CCDC91: variants seen among roughly 807,000 people sequenced by gnomAD.
The protein encoded by CCDC91 is coiled-coil domain-containing protein 91.
CCDC91 carries 48 observed loss-of-function variants against 63.2 expected under a neutral mutation model. That is an observed-to-expected ratio of 0.76 (90% CI 0.60 to 0.97). The LOEUF (loss-of-function observed/expected upper bound fraction) is 0.97, where lower values mean the gene tolerates loss of function less well. Among genes scored for constraint, CCDC91 ranks in the 50% least tolerant of loss-of-function variants. The pLI, the probability that CCDC91 is intolerant of heterozygous loss-of-function variation, is 0.00. For missense variants in CCDC91, 500 were observed against 494.6 expected, an observed-to-expected ratio of 1.01 and a Z score of -0.10; for synonymous variants, 167 against 165.8, an observed-to-expected ratio of 1.01 and a Z score of -0.06.
intron 1 of CCDC91, among the ~76,000 whole-genome samples, chr12:28,192,562 CTTTGG>C (rs1941352418): frequency 6.6e-6 from 1 of 152,146 alleles, no homozygotes; most frequent in Non-Finnish European, 1.5e-5. Context: ...AGGCATCTCT[CTTTGG>C]ATTAACTCTT....
intron 2 of CCDC91, among the ~76,000 whole-genome samples, chr12:28,257,634 A>G (rs1352891231): frequency 2.6e-5 from 4 of 152,132 alleles, no homozygotes; most frequent in South Asian, 2.1e-4. Flanking sequence ...TATACCTGCA[A>G]TGAGTTGATT....
chr12:28,406,599 C>T (rs566343242), intron 8 of CCDC91, among the ~76,000 whole-genome samples: 14 of 152,030 alleles, frequency 9.2e-5, no homozygotes, highest in African/African-American at 3.4e-4. Flanking sequence ...TGATATGTTT[C>T]TAAGAGCAGA....
At chr12:28,202,493 T>C (rs912888708) in intron 1 of CCDC91, among the ~76,000 whole-genome samples, 2 of 151,500 alleles carry the variant, frequency 1.3e-5, no homozygotes, top group African/African-American at 2.4e-5. Context: ...TATTCTTTTA[T>C]GTGTGGCCAC....
At chr12:28,441,497 G>A (rs1198806013) in intron 8 of CCDC91, among the ~76,000 whole-genome samples, 3 of 151,830 alleles carry the variant, frequency 2.0e-5, no homozygotes, top group Non-Finnish European at 4.4e-5. Context: ...TTATACAGAG[G>A]AATGCTGCTT....
At chr12:28,205,103 A>AT (rs1727960705) in intron 1 of CCDC91, among the ~76,000 whole-genome samples, 1 of 152,128 alleles carries the variant, frequency 6.6e-6, no homozygotes, top group African/African-American at 2.4e-5. Context: ...AGTCTTCATA[A>AT]TGGTGAAGAG....
chr12:28,411,763 T>C (rs1362203299), intron 8 of CCDC91, among the ~76,000 whole-genome samples: 3 of 152,168 alleles, frequency 2.0e-5, no homozygotes, highest in Admixed American at 6.6e-5. Flanking sequence ...AATGTCACAG[T>C]GCAGTACATT....
chr12:28,194,702 G>T (rs1865392337), intron 1 of CCDC91, among the ~76,000 whole-genome samples: 1 of 152,236 alleles, frequency 6.6e-6, no homozygotes, highest in East Asian at 1.9e-4. Flanking sequence ...GACCTTTGCG[G>T]TGAGTGTTAC....
rs546808718 is a variant in CCDC91 at position 28,458,251 on chromosome 12, A to G, written c.1101+5597A>G. Among the ~76,000 whole-genome samples, 51 of 152,070 alleles carry G rather than the reference A, an allele frequency of 3.4e-4. 1 individual carries two copies. Among genetic ancestry groups the G allele is most frequent in the South Asian group, 2.9e-3 (14 of 4,822 alleles). On this transcript the variant is annotated intron_variant, in intron 11 of 12. Coordinates refer to ENST00000536442, the MANE Select transcript of CCDC91 (RefSeq NM_018318.5). ...TTGATAATAATCTAGATGATAATAAAATCATAATGACATTTTAAATTATCA... is the reference window on the plus strand; with the variant it reads ...TTGATAATAATCTAGATGATAATAAGATCATAATGACATTTTAAATTATCA...
At chr12:28,444,849 A>ATT (rs10709087) in intron 8 of CCDC91, among the ~76,000 whole-genome samples, 1 of 150,914 alleles carries the variant, frequency 6.6e-6, no homozygotes, top group Non-Finnish European at 1.5e-5. Context: ...TTTCTTAAAG[A>ATT]TTTTTTTTTT....
intron 1 of CCDC91, among the ~76,000 whole-genome samples, chr12:28,213,268 C>T (rs1261909087): frequency 1.3e-5 from 2 of 152,196 alleles, no homozygotes; most frequent in African/African-American, 4.8e-5. Flanking sequence ...CCCACCGACT[C>T]CTCTTTGTTT....
Position 28,496,931 on chromosome 12 carries a change from C to CAT in CCDC91, c.1215+12776_1215+12777dup, listed in dbSNP as rs200906294. The stretch of plus-strand genomic sequence containing the variant: ...CACACATATATAAGGTATATATATA[C>CAT]ATATATATATACATATATATATATA... On this transcript the variant is annotated intron_variant, in intron 12 of 12. Coordinates refer to ENST00000536442, the MANE Select transcript of CCDC91 (RefSeq NM_018318.5). 6.5e-3 allele frequency among the ~76,000 whole-genome samples: 921 copies of CAT among 141,444 alleles called. 12 individuals are homozygous for CAT. Among genetic ancestry groups the CAT allele is most frequent in the African/African-American group, 0.023 (893 of 38,368 alleles). 92.8% of individuals were successfully genotyped at this position (141,444 alleles called of 152,430 possible). A position where few individuals can be genotyped will look rare whatever the true frequency, so the allele number is the denominator to read the frequency against.
intron 8 of CCDC91, among the ~76,000 whole-genome samples, chr12:28,440,757 C>G (rs1195167036): frequency 6.6e-6 from 1 of 151,762 alleles, no homozygotes; most frequent in Non-Finnish European, 1.5e-5. Context: ...GAACAGCAGG[C>G]TTAAAAGAAA....
At chr12:28,455,620 G>A (rs1290832923) in intron 11 of CCDC91, among the ~76,000 whole-genome samples, 1 of 151,578 alleles carries the variant, frequency 6.6e-6, no homozygotes, top group East Asian at 1.9e-4. Flanking sequence ...TCATTAAGTT[G>A]CCTTTATTCT....
At chr12:28,396,291 A>G (rs1447739704) in intron 8 of CCDC91, among the ~76,000 whole-genome samples, 1 of 152,178 alleles carries the variant, frequency 6.6e-6, no homozygotes, top group African/African-American at 2.4e-5. Flanking sequence ...TAAATGAAAA[A>G]TGACTATATT....
At chr12:28,523,960 A>T (rs181357179) in intron 12 of CCDC91, among the ~76,000 whole-genome samples, 1 of 151,934 alleles carries the variant, frequency 6.6e-6, no homozygotes, top group Non-Finnish European at 1.5e-5. Context: ...AACGCCACAA[A>T]GATACTCCTC....
chr12:28,276,429 A>C (rs1358695240), intron 3 of CCDC91, among the ~76,000 whole-genome samples: 2 of 152,042 alleles, frequency 1.3e-5, no homozygotes, highest in Non-Finnish European at 2.9e-5. Flanking sequence ...TCACAAGTGC[A>C]TGAGGAAAAT....
At chr12:28,198,832 TC>T (rs1941980083) in intron 1 of CCDC91, 1 of 29,130 alleles carries the variant, frequency 3.4e-5, no homozygotes, top group Non-Finnish European at 8.4e-5. Flanking sequence ...GTAATTTTTT[TC>T]ATTCCTTAAT....
intron 7 of CCDC91, among the ~76,000 whole-genome samples, chr12:28,368,819 GGA>G (rs1355155598): frequency 6.8e-6 from 1 of 147,022 alleles, no homozygotes; most frequent in East Asian, 1.9e-4. Context: ...GCAGCAGTGG[GGA>G]GAGAGAGAAA....
chr12:28,538,634 G>T (rs1394403306), intron 12 of CCDC91, among the ~76,000 whole-genome samples: 1 of 152,104 alleles, frequency 6.6e-6, no homozygotes, highest in South Asian at 2.1e-4. Flanking sequence ...TAATGGGATG[G>T]CTGGGTCAAA....
Sources: gnomAD v4.1 joint callset for allele counts (sites outside exome capture counted in the v4.1 genomes callset) on GRCh38, gnomAD v4.1.1 for gene constraint, MANE v1.5 for transcripts, NCBI Gene and HGNC (gene_info 2026-07-23, HGNC 2026-07-21) for gene names.